Variants in CACNB4 observed in about 807,000 individuals in gnomAD.
The protein encoded by CACNB4 is voltage-dependent L-type calcium channel subunit beta-4.
Under a neutral mutation model 71.2 loss-of-function variants are expected in CACNB4, and 32 were observed. The ratio of observed to expected loss-of-function variants is 0.45; its 90% CI spans 0.34 to 0.60. The LOEUF is 0.60. CACNB4 is among the 20% of genes least tolerant of loss of function. The probability of loss-of-function intolerance (pLI) is 0.01; values close to 1 mark genes in which losing one functional copy is unlikely to be tolerated. For missense variants in CACNB4, 464 were observed against 647.9 expected (o/e 0.72, Z 3.08); for synonymous variants, 231 against 236.9 (o/e 0.97, Z 0.23).
chr2:151,975,561 G>A (rs764960209), intron 2 of CACNB4, among the ~76,000 whole-genome samples: 2 of 152,134 alleles, frequency 1.3e-5, no homozygotes, highest in Non-Finnish European at 2.9e-5. Context: ...GCAGTCAACG[G>A]GATTCCATAG....
chr2:152,005,039 G>A (rs901962337), intron 2 of CACNB4, among the ~76,000 whole-genome samples: 7 of 152,114 alleles, frequency 4.6e-5, no homozygotes, highest in African/African-American at 1.4e-4. Flanking sequence ...TGGTGAGGTC[G>A]TGGCAAAAAA....
intron 2 of CACNB4, among the ~76,000 whole-genome samples, chr2:152,069,130 AG>A (rs1316357833): frequency 6.6e-6 from 1 of 152,190 alleles, no homozygotes; most frequent in Non-Finnish European, 1.5e-5. Flanking sequence ...ACCGCTGTCC[AG>A]GGTGGACATT....
chr2:151,973,963 C>T lies in CACNB4; in HGVS notation c.148-90593G>A, dbSNP rs1339053271. 4.0e-6 allele frequency: 5 copies of T among 1,234,666 alleles called. No individual in the cohort carries two copies. In the South Asian group the frequency reaches 8.9e-5, roughly 22 times the overall value. The allele number at this position is 1,234,666 out of a possible 1,614,324, so 76.5% of individuals were successfully genotyped here. ...CACAAAAAGCAAAACCCTTCCTCAA[C>T]CACAGACTGGTGACTGAGCTAGGAA... is the stretch of plus-strand genomic sequence containing the variant. On this transcript the variant is annotated intron_variant, in intron 2 of 13. Coordinates refer to ENST00000539935, the MANE Select transcript of CACNB4 (RefSeq NM_000726.5).
rs568202357 is a variant in CACNB4 at position 151,876,554 on chromosome 2, T to C, written c.393A>G (p.Lys131=). 6.4e-7 allele frequency: 1 copy of C among 1,565,408 alleles called. No individual in the cohort carries two copies. Among genetic ancestry groups the C allele is most frequent in the South Asian group, 1.2e-5 (1 of 86,534 alleles). The change falls in exon 5 of 14, where the codon AAA becomes AAG. Residue 131 remains lysine, a splice_region_variant and synonymous_variant. Coordinates refer to ENST00000539935, the MANE Select transcript of CACNB4 (RefSeq NM_000726.5). ...DAKDFLHIKE[K]YNNDWWIGRL... ...TTCCTATCCACCAATCATTGTTATA[T>C]TTCTGGAATTCAGAAATAAAATTGC...
At chr2:152,061,085 A>T (rs1346720153) in intron 2 of CACNB4, among the ~76,000 whole-genome samples, 1 of 152,110 alleles carries the variant, frequency 6.6e-6, no homozygotes, top group African/African-American at 2.4e-5. Flanking sequence ...AGGTGGGAGG[A>T]TCTCTTGAGG....
chr2:152,030,425 T>G (rs1021630669), intron 2 of CACNB4, among the ~76,000 whole-genome samples: 15 of 152,366 alleles, frequency 9.8e-5, no homozygotes, highest in African/African-American at 3.1e-4. Context: ...TTTAGAAAAT[T>G]TTGTTTCCAT....
intron 2 of CACNB4, among the ~76,000 whole-genome samples, chr2:151,986,099 T>G (rs1289904944): frequency 6.6e-6 from 1 of 152,234 alleles, no homozygotes; most frequent in African/African-American, 2.4e-5. Context: ...AAGAGCATTA[T>G]TCCCTAAGCT....
Position 151,838,967 on chromosome 2 carries a change from A to T in CACNB4, c.*152T>A. ...CATCTAGACTCAAGGGCATAATGTA[A>T]TTTTTTTTTTTGCCCCTTACTTAGC... On this transcript the variant is annotated 3_prime_UTR_variant, in exon 14 of 14. Coordinates refer to ENST00000539935, the MANE Select transcript of CACNB4 (RefSeq NM_000726.5). 1.0e-5 allele frequency: 5 copies of T among 483,404 alleles called. No individual in the cohort carries two copies. The highest frequency in any genetic ancestry group is 1.5e-5 in the Non-Finnish European group (4 of 273,122). The allele number at this position is 483,404 out of a possible 1,614,324, so 29.9% of individuals were successfully genotyped here.
chr2:151,918,426 TCC>T (rs2099858097), intron 2 of CACNB4, among the ~76,000 whole-genome samples: 1 of 152,176 alleles, frequency 6.6e-6, no homozygotes. Flanking sequence ...GAGACTCATT[TCC>T]TTCCCTCTTT....
chr2:151,872,598 A>G, intron 5 of CACNB4, 105 bp from the exon 6 acceptor site: 1 of 652,280 alleles, frequency 1.5e-6, no homozygotes, highest in Non-Finnish European at 2.7e-6. Context: ...AATAATTCAA[A>G]ACACACCAAA....
intron 2 of CACNB4, among the ~76,000 whole-genome samples, chr2:152,035,747 C>T (rs1684557826): frequency 6.6e-6 from 1 of 151,550 alleles, no homozygotes; most frequent in Non-Finnish European, 1.5e-5. Flanking sequence ...CTCAGATTAA[C>T]CAACAGACAC....
chr2:151,984,145 G>A (rs1463389380), intron 2 of CACNB4, among the ~76,000 whole-genome samples: 2 of 152,060 alleles, frequency 1.3e-5, no homozygotes, highest in African/African-American at 2.4e-5. Context: ...CCCCTAACCA[G>A]CCATTTAAAC....
chr2:152,081,041 A>C (rs146491305), intron 2 of CACNB4, among the ~76,000 whole-genome samples: 51 of 152,220 alleles, frequency 3.4e-4, no homozygotes, highest in African/African-American at 1.1e-3. Flanking sequence ...AGCCAAAATA[A>C]ACCTATTTTC....
At chr2:152,020,936 C>T (rs1485972745) in intron 2 of CACNB4, among the ~76,000 whole-genome samples, 2 of 152,182 alleles carry the variant, frequency 1.3e-5, no homozygotes, top group East Asian at 3.9e-4. Context: ...AACTCGGAAA[C>T]TACTAGCACA....
In CACNB4 at chr2:151,883,269, G is replaced by T; in HGVS notation, c.249C>A (p.Ile83=). ...IRQEREQQAA[I]QLERAKSKPV... ...GACTCACCTTTGCTCTCTCAAGCTGGATAGCTGCTTGCTGTTCTCTCTCCT... is the reference window on the plus strand; with the variant it reads ...GACTCACCTTTGCTCTCTCAAGCTGTATAGCTGCTTGCTGTTCTCTCTCCT... The change falls in exon 3 of 14, where the codon ATC becomes ATA. Residue 83 remains isoleucine, a synonymous_variant. Coordinates refer to ENST00000539935, the MANE Select transcript of CACNB4 (RefSeq NM_000726.5). 1 of 1,613,952 alleles carries T rather than the reference G, an allele frequency of 6.2e-7. No homozygotes were observed.
chr2:151,893,834 G>A (rs530380371), intron 2 of CACNB4, among the ~76,000 whole-genome samples: 1 of 152,258 alleles, frequency 6.6e-6, no homozygotes, highest in South Asian at 2.1e-4. Context: ...AGTGACTTGG[G>A]TTTAATATCC....
chr2:151,849,792 G>A (rs1403772558), intron 12 of CACNB4, among the ~76,000 whole-genome samples: 1 of 152,194 alleles, frequency 6.6e-6, no homozygotes. Context: ...ATTGTTTGAA[G>A]TGACTGAGTT....
intron 2 of CACNB4, among the ~76,000 whole-genome samples, chr2:152,031,161 G>A (rs919467003): frequency 1.3e-5 from 2 of 152,172 alleles, no homozygotes; most frequent in Admixed American, 6.5e-5. Flanking sequence ...TCATCCTGAT[G>A]TGCCCAGAAC....
In CACNB4 at chr2:152,029,461, T is replaced by C. The variant is rs533539631; in HGVS notation, c.147+68869A>G. Among the ~76,000 whole-genome samples, 3 of 137,640 alleles carry C rather than the reference T, an allele frequency of 2.2e-5. No homozygotes were observed. The South Asian group carries it at 6.8e-4, about 31-fold the overall frequency. The allele number at this position is 137,640 out of a possible 152,430, so 90.3% of individuals were successfully genotyped here. Reference sequence around the variant, plus strand: ...GTGAGCCAAGACCACGCCACTGCACTCTAGCCTGGGCAACAGAGCGAGACT... The same window carrying C: ...GTGAGCCAAGACCACGCCACTGCACCCTAGCCTGGGCAACAGAGCGAGACT... On this transcript the variant is annotated intron_variant, in intron 2 of 13. Coordinates refer to ENST00000539935, the MANE Select transcript of CACNB4 (RefSeq NM_000726.5).
Sources: allele counts gnomAD v4.1 joint callset (sites outside exome capture counted in the v4.1 genomes callset), GRCh38; gene constraint gnomAD v4.1.1; transcripts MANE v1.5; gene names NCBI Gene and HGNC (gene_info 2026-07-23, HGNC 2026-07-21).